PTPRM: variants seen among roughly 807,000 people sequenced by gnomAD.
The protein encoded by PTPRM is receptor-type tyrosine-protein phosphatase mu.
Under a neutral mutation model 186.7 loss-of-function variants are expected in PTPRM, and 47 were observed. That is an observed-to-expected ratio of 0.25 (90% CI 0.20 to 0.32). The LOEUF (loss-of-function observed/expected upper bound fraction) is 0.32, where lower values mean the gene tolerates loss of function less well. Among genes scored for constraint, PTPRM ranks in the 10% least tolerant of loss-of-function variants. The probability of loss-of-function intolerance (pLI) is 1.00; values close to 1 mark genes in which losing one functional copy is unlikely to be tolerated. For synonymous variants in PTPRM, 668 were observed against 674.9 expected (o/e 0.99, Z 0.16); for missense variants, 1,494 against 1,865.0 (o/e 0.80, Z 3.66).
intron 7 of PTPRM, among the ~76,000 whole-genome samples, chr18:7,958,519 G>A (rs2053466169): frequency 6.6e-6 from 1 of 152,130 alleles, no homozygotes; most frequent in Non-Finnish European, 1.5e-5. Context: ...AGTTTCTTGT[G>A]GCTGATTTGT....
At chr18:7,728,277 G>A (rs73939353) in intron 1 of PTPRM, among the ~76,000 whole-genome samples, 4,141 of 152,280 alleles carry the variant, frequency 0.027, 178 homozygotes, top group African/African-American at 0.094. Context: ...CTAAATCTGG[G>A]TTCTTATCTC....
At chr18:8,069,644 T>A in intron 7 of PTPRM, 42 bp from the exon 8 acceptor site, 1 of 1,524,186 alleles carries the variant, frequency 6.6e-7, no homozygotes, top group Non-Finnish European at 8.9e-7. Flanking sequence ...GCCTTTATCT[T>A]TCTTCTCTCT....
intron 1 of PTPRM, among the ~76,000 whole-genome samples, chr18:7,741,149 CAT>C (rs1260229353): frequency 6.6e-5 from 10 of 152,130 alleles, no homozygotes; most frequent in African/African-American, 2.4e-4. Context: ...GGTAAACAGT[CAT>C]AATGTGTATA....
At chr18:8,239,901 G>A (rs2094396604) in intron 14 of PTPRM, among the ~76,000 whole-genome samples, 1 of 152,136 alleles carries the variant, frequency 6.6e-6, no homozygotes, top group African/African-American at 2.4e-5. Context: ...TGAGATTCAT[G>A]CAGTGCAAGT....
At chr18:7,687,220 G>C (rs2039622994) in intron 1 of PTPRM, among the ~76,000 whole-genome samples, 1 of 152,100 alleles carries the variant, frequency 6.6e-6, no homozygotes, top group African/African-American at 2.4e-5. Context: ...TGATAGCACA[G>C]AATTCTATAC....
intron 7 of PTPRM, among the ~76,000 whole-genome samples, chr18:8,054,588 G>C (rs143461224): frequency 6.6e-6 from 1 of 151,970 alleles, no homozygotes; most frequent in African/African-American, 2.4e-5. Flanking sequence ...CCTTCCCAGT[G>C]ATGGAAAGAT....
chr18:8,292,883 T>C (rs1038235499), intron 19 of PTPRM, among the ~76,000 whole-genome samples: 1 of 152,234 alleles, frequency 6.6e-6, no homozygotes, highest in Non-Finnish European at 1.5e-5. Context: ...CATGTGTATT[T>C]AAGTTGACTT....
At chr18:7,884,270 G>A (rs973988549) in intron 2 of PTPRM, among the ~76,000 whole-genome samples, 7 of 152,214 alleles carry the variant, frequency 4.6e-5, no homozygotes, top group African/African-American at 1.7e-4. Context: ...TGTCCCGCTT[G>A]CCTTGTATGC....
At chr18:7,842,947 T>TATATATATATAGAGAGAGAGAGAGAGAG (rs370746043) in intron 2 of PTPRM, among the ~76,000 whole-genome samples, 1 of 112,132 alleles carries the variant, frequency 8.9e-6, no homozygotes, top group African/African-American at 4.2e-5. Context: ...TATATATATA[T>TATATATATATAGAGAGAGAGAGAGAGAG]AGAGAGAGAG....
At chr18:8,258,861 T>C (rs1416317162) in intron 19 of PTPRM, among the ~76,000 whole-genome samples, 2 of 151,884 alleles carry the variant, frequency 1.3e-5, no homozygotes, top group African/African-American at 4.8e-5. Flanking sequence ...TTGCATCCTA[T>C]TCTTCAAAAA....
chr18:7,896,295 A>G (rs554783903), intron 3 of PTPRM, among the ~76,000 whole-genome samples: 1 of 152,186 alleles, frequency 6.6e-6, no homozygotes, highest in South Asian at 2.1e-4. Flanking sequence ...CTCTGCTTTG[A>G]TTCTGCACCC....
chr18:8,150,142 C>T (rs1568426258), intron 14 of PTPRM, among the ~76,000 whole-genome samples: 1 of 152,066 alleles, frequency 6.6e-6, no homozygotes, highest in South Asian at 2.1e-4. Flanking sequence ...TGTTCTCAAG[C>T]AGTATCTTTG....
intron 23 of PTPRM, among the ~76,000 whole-genome samples, chr18:8,347,815 A>G (rs547604056): frequency 6.6e-6 from 1 of 152,058 alleles, no homozygotes; most frequent in Non-Finnish European, 1.5e-5. Context: ...AAAAAAAAAA[A>G]TTTCTTCCAA....
intron 7 of PTPRM, among the ~76,000 whole-genome samples, chr18:8,018,560 A>G (rs538988301): frequency 1.3e-5 from 2 of 152,322 alleles, no homozygotes; most frequent in East Asian, 3.9e-4. Context: ...AAAATAATCA[A>G]TCCACAATAA....
At chr18:7,773,147 G>A (rs2042409652) in intron 1 of PTPRM, among the ~76,000 whole-genome samples, 1 of 151,870 alleles carries the variant, frequency 6.6e-6, no homozygotes, top group African/African-American at 2.4e-5. Context: ...TCTAGTACCA[G>A]AATTCAGCAG....
intron 1 of PTPRM, among the ~76,000 whole-genome samples, chr18:7,773,084 T>C (rs1420728222): frequency 6.6e-6 from 1 of 152,126 alleles, no homozygotes; most frequent in Non-Finnish European, 1.5e-5. Flanking sequence ...TGAATTACTA[T>C]GTATATTTTG....
At chr18:8,381,006 T>C (rs1053257881) in intron 29 of PTPRM, among the ~76,000 whole-genome samples, 48 of 152,188 alleles carry the variant, frequency 3.2e-4, no homozygotes, top group African/African-American at 1.1e-3. Context: ...CTCAATGCTT[T>C]AGTAAAGATA....
chr18:8,121,442 AT>A (rs906448058), intron 13 of PTPRM, among the ~76,000 whole-genome samples: 2 of 151,868 alleles, frequency 1.3e-5, no homozygotes, highest in East Asian at 1.9e-4. Flanking sequence ...TTAATTTTCT[AT>A]TTTTTTTAAA....
intron 1 of PTPRM, among the ~76,000 whole-genome samples, chr18:7,736,902 A>G (rs1480973758): frequency 6.6e-6 from 1 of 152,104 alleles, no homozygotes; most frequent in African/African-American, 2.4e-5. Flanking sequence ...AGTATAAAAC[A>G]ATATAAAATA....
Sources: allele counts gnomAD v4.1 joint callset (sites outside exome capture counted in the v4.1 genomes callset), GRCh38; gene constraint gnomAD v4.1.1; transcripts MANE v1.5; gene names NCBI Gene and HGNC (gene_info 2026-07-23, HGNC 2026-07-21).